STAU2: variants seen among roughly 807,000 people sequenced by gnomAD.
The protein encoded by STAU2 is double-stranded RNA-binding protein Staufen homolog 2.
STAU2 carries 20 observed loss-of-function variants against 65.9 expected under a neutral mutation model. The ratio of observed to expected loss-of-function variants is 0.30; its 90% CI spans 0.21 to 0.44. The LOEUF is 0.44. Among genes scored for constraint, STAU2 ranks in the 20% least tolerant of loss-of-function variants. The pLI, the probability that STAU2 is intolerant of heterozygous loss-of-function variation, is 1.00. For missense variants in STAU2, 558 were observed against 683.9 expected (o/e 0.82, Z 2.05); for synonymous variants, 232 against 233.9 (o/e 0.99, Z 0.07).
intron 13 of STAU2, among the ~76,000 whole-genome samples, chr8:73,447,668 T>C (rs1303375646): frequency 1.3e-5 from 2 of 152,308 alleles, no homozygotes; most frequent in Admixed American, 1.3e-4. Flanking sequence ...CCCAAGGGCC[T>C]GGAAGGGAAG....
chr8:73,450,835 A>C (rs1330228023), intron 13 of STAU2, among the ~76,000 whole-genome samples: 1 of 152,152 alleles, frequency 6.6e-6, no homozygotes, highest in Non-Finnish European at 1.5e-5. Context: ...AGCTGATTAG[A>C]TGCTTCTATT....
chr8:73,518,822 G>T (rs953721270), intron 13 of STAU2, among the ~76,000 whole-genome samples: 2 of 152,208 alleles, frequency 1.3e-5, no homozygotes, highest in African/African-American at 4.8e-5. Context: ...TTAACTATAA[G>T]ATATAATTTG....
rs146866411 is a variant in STAU2 at position 73,552,071 on chromosome 8, A to G, written c.1471T>C (p.Cys491Arg). The G allele has an allele frequency of 2.5e-6, 4 of 1,610,860 alleles. No homozygotes were observed. Among genetic ancestry groups the G allele is most frequent in the Non-Finnish European group, 3.4e-6 (4 of 1,177,936 alleles). The change falls in exon 13 of 15, where the codon TGT (cysteine) becomes CGT (arginine). Residue 491 changes from cysteine (C) to arginine (R), a missense_variant. Around this residue, in one of 3 missense-constraint regions of STAU2, gnomAD observed 247 missense variants for 270.1 expected, o/e 0.91. Coordinates refer to ENST00000524300, the MANE Select transcript of STAU2 (RefSeq NM_001164380.2). The part of the protein sequence containing the change: ...GLKGSSPTPP[C>R]SPVQPSKQLE... ...TGTTTTGAAGGTTGTACTGGAGAAC[A>G]AGGGGGAGTAGGAGAACTTCCTTTT...
intron 6 of STAU2, among the ~76,000 whole-genome samples, chr8:73,657,318 T>C (rs1352321843): frequency 3.3e-5 from 5 of 152,200 alleles, no homozygotes; most frequent in Admixed American, 6.5e-5. Context: ...AATCAAAATA[T>C]AACAAACTAG....
intron 12 of STAU2, among the ~76,000 whole-genome samples, chr8:73,571,231 C>A (rs1268962197): frequency 6.6e-6 from 1 of 152,134 alleles, no homozygotes; most frequent in South Asian, 2.1e-4. Context: ...TACAGGAGCA[C>A]CCAGATTCAT....
At chr8:73,509,816 A>G (rs1423155917) in intron 13 of STAU2, among the ~76,000 whole-genome samples, 1 of 151,608 alleles carries the variant, frequency 6.6e-6, no homozygotes, top group East Asian at 1.9e-4. Flanking sequence ...TCTTCAATAT[A>G]CAACTGGTAA....
chr8:73,443,624 G>C (rs1254733322), intron 13 of STAU2, among the ~76,000 whole-genome samples: 1 of 152,220 alleles, frequency 6.6e-6, no homozygotes, highest in Admixed American at 6.5e-5. Flanking sequence ...GGCCAAGACA[G>C]GAGGACTGCT....
intron 9 of STAU2, among the ~76,000 whole-genome samples, chr8:73,607,681 G>C (rs1225961615): frequency 6.7e-6 from 1 of 148,278 alleles, no homozygotes; most frequent in African/African-American, 2.5e-5. Context: ...AGGTTGCGGT[G>C]AGCCAAGATC....
chr8:73,522,653 T>C (rs73326749), intron 13 of STAU2, among the ~76,000 whole-genome samples: 15,494 of 152,232 alleles, frequency 0.1, 1,230 homozygotes, highest in East Asian at 0.45. Flanking sequence ...GTTTTTGTTC[T>C]GGACAATTGA....
chr8:73,438,830 T>A (rs1395575820), intron 13 of STAU2: 1 of 402,340 alleles, frequency 2.5e-6, no homozygotes. Flanking sequence ...CACCAGCAAA[T>A]TTGCAACGTG....
chr8:73,421,086 T>G lies in STAU2; in HGVS notation c.*286A>C. The G allele has an allele frequency of 3.2e-6, 1 of 310,594 alleles. No homozygotes were observed. The highest frequency in any genetic ancestry group is 5.9e-6 in the Non-Finnish European group (1 of 170,112). 19.2% of individuals were successfully genotyped at this position (310,594 alleles called of 1,614,324 possible). On this transcript the variant is annotated 3_prime_UTR_variant, in exon 15 of 15. Coordinates refer to ENST00000524300, the MANE Select transcript of STAU2 (RefSeq NM_001164380.2). ...AAATTTTAGCTTTGTTTCTAACACTTTTCTTTACTTGTTATTTTAAGCTCC... is the reference window on the plus strand; with the variant it reads ...AAATTTTAGCTTTGTTTCTAACACTGTTCTTTACTTGTTATTTTAAGCTCC...
chr8:73,485,204 G>A (rs970791899), intron 13 of STAU2, among the ~76,000 whole-genome samples: 1 of 139,692 alleles, frequency 7.2e-6, no homozygotes, highest in Non-Finnish European at 1.5e-5. Flanking sequence ...CCAGGCTGGA[G>A]TGATAGTGGC....
chr8:73,476,774 G>T (rs1262389577), intron 13 of STAU2, among the ~76,000 whole-genome samples: 1 of 152,150 alleles, frequency 6.6e-6, no homozygotes, highest in Non-Finnish European at 1.5e-5. Flanking sequence ...TGAGGAAATG[G>T]TTACATCTTT....
At chr8:73,550,691 A>G in intron 13 of STAU2, 1 of 987,022 alleles carries the variant, frequency 1.0e-6, no homozygotes, top group Non-Finnish European at 1.2e-6. Flanking sequence ...GTAAAACAAC[A>G]AAAACAAATT....
intron 12 of STAU2, among the ~76,000 whole-genome samples, chr8:73,554,049 A>G (rs578048785): frequency 3.3e-5 from 5 of 152,208 alleles, no homozygotes; most frequent in African/African-American, 1.2e-4. Context: ...CTAACCAATC[A>G]GCCTGGACAG....
intron 12 of STAU2, among the ~76,000 whole-genome samples, chr8:73,562,721 C>T (rs1808317413): frequency 6.6e-6 from 1 of 152,152 alleles, no homozygotes; most frequent in African/African-American, 2.4e-5. Context: ...CAATTTACTA[C>T]ACATTAGTCT....
At chr8:73,702,279 T>C (rs1319024216) in intron 4 of STAU2, among the ~76,000 whole-genome samples, 1 of 152,172 alleles carries the variant, frequency 6.6e-6, no homozygotes, top group Non-Finnish European at 1.5e-5. Flanking sequence ...GCTTGAGGCT[T>C]TGGATACCCA....
intron 4 of STAU2, among the ~76,000 whole-genome samples, chr8:73,699,278 G>C (rs554710836): frequency 6.6e-6 from 1 of 151,950 alleles, no homozygotes; most frequent in South Asian, 2.1e-4. Flanking sequence ...AGAAAAATAA[G>C]AGCAAACTAA....
intron 13 of STAU2, among the ~76,000 whole-genome samples, chr8:73,526,475 G>A (rs137864681): frequency 1.3e-4 from 20 of 152,328 alleles, no homozygotes; most frequent in African/African-American, 4.6e-4. Context: ...TAAATCATGA[G>A]TTTGAGAAGA....
Sources: gnomAD v4.1 joint callset for allele counts (sites outside exome capture counted in the v4.1 genomes callset) on GRCh38, gnomAD v4.1.1 for gene constraint, gnomAD v4.1.1 regional missense constraint, MANE v1.5 for transcripts, NCBI Gene and HGNC (gene_info 2026-07-23, HGNC 2026-07-21) for gene names.